CCDC148: variants seen among roughly 807,000 people sequenced by gnomAD.
The protein encoded by CCDC148 is coiled-coil domain-containing protein 148.
A neutral mutation model predicts 85.7 loss-of-function variants in CCDC148; 89 were observed. The ratio of observed to expected loss-of-function variants is 1.04; its 90% CI spans 0.87 to 1.24. The LOEUF (loss-of-function observed/expected upper bound fraction) is 1.24. Ranked by LOEUF, CCDC148 falls within the 50% of genes most tolerant of loss-of-function variation. The probability of loss-of-function intolerance (pLI) is 0.00; values close to 1 mark genes in which losing one functional copy is unlikely to be tolerated. For synonymous variants in CCDC148, 230 were observed against 213.9 expected (o/e 1.08, Z -0.66); for missense variants, 692 against 671.7 (o/e 1.03, Z -0.33).
intron 1 of CCDC148, among the ~76,000 whole-genome samples, chr2:158,410,864 C>T (rs984617426): frequency 1.3e-5 from 2 of 152,020 alleles, no homozygotes; most frequent in Non-Finnish European, 2.9e-5. Context: ...TGAAGAACTC[C>T]CTTAAGCATT....
At chr2:158,451,268 T>A (rs896946096) in intron 1 of CCDC148, among the ~76,000 whole-genome samples, 2 of 152,222 alleles carry the variant, frequency 1.3e-5, no homozygotes, top group African/African-American at 2.4e-5. Context: ...GTGGGGTCAC[T>A]TAGAGTATCT....
intron 1 of CCDC148, among the ~76,000 whole-genome samples, chr2:158,421,043 C>T (rs1364089839): frequency 6.6e-6 from 1 of 152,064 alleles, no homozygotes; most frequent in Non-Finnish European, 1.5e-5. Flanking sequence ...GCTAACTATC[C>T]TAAATATATA....
intron 9 of CCDC148, among the ~76,000 whole-genome samples, chr2:158,269,327 T>C (rs1326398906): frequency 6.6e-6 from 1 of 152,144 alleles, no homozygotes; most frequent in East Asian, 1.9e-4. Context: ...CATGTTCATG[T>C]ACCTGTTGGC....
At chr2:158,304,584 T>G (rs779832223) in intron 9 of CCDC148, among the ~76,000 whole-genome samples, 32 of 152,302 alleles carry the variant, frequency 2.1e-4, no homozygotes, top group Non-Finnish European at 3.8e-4. Flanking sequence ...AGCCAGTGGT[T>G]TCTTAAATAG....
intron 10 of CCDC148, among the ~76,000 whole-genome samples, chr2:158,250,134 A>G (rs1480119989): frequency 6.6e-6 from 1 of 152,096 alleles, no homozygotes; most frequent in Admixed American, 6.6e-5. Flanking sequence ...TGCCTAAATA[A>G]GTATCTCACA....
intron 9 of CCDC148, among the ~76,000 whole-genome samples, chr2:158,276,138 C>G (rs1442835527): frequency 6.6e-6 from 1 of 152,124 alleles, no homozygotes; most frequent in Admixed American, 6.6e-5. Flanking sequence ...ACTGGGTTTG[C>G]ATTAAAAACC....
intron 11 of CCDC148, among the ~76,000 whole-genome samples, chr2:158,217,336 G>GTATATA (rs141810507): frequency 8.7e-5 from 12 of 137,682 alleles, no homozygotes; most frequent in African/African-American, 2.2e-4. Flanking sequence ...ATAATTTTGT[G>GTATATA]TATATATATA....
At chr2:158,217,340 A>G (rs1184941465) in intron 11 of CCDC148, among the ~76,000 whole-genome samples, 13 of 81,448 alleles carry the variant, frequency 1.6e-4, no homozygotes, top group Admixed American at 7.9e-4. Context: ...TTTTGTGTAT[A>G]TATATATATA....
intron 11 of CCDC148, among the ~76,000 whole-genome samples, chr2:158,190,016 T>G (rs182665754): frequency 5.3e-5 from 8 of 152,068 alleles, no homozygotes; most frequent in Admixed American, 2.6e-4. Flanking sequence ...AAAATAAAAA[T>G]GTAAGAATAA....
intron 9 of CCDC148, among the ~76,000 whole-genome samples, chr2:158,273,409 C>T (rs1689786027): frequency 6.6e-6 from 1 of 152,154 alleles, no homozygotes; most frequent in Non-Finnish European, 1.5e-5. Context: ...CCTCCTCATG[C>T]TTACCTCCTT....
At chr2:158,284,280 A>AT (rs1297892899) in intron 9 of CCDC148, among the ~76,000 whole-genome samples, 1 of 122,596 alleles carries the variant, frequency 8.2e-6, no homozygotes, top group African/African-American at 2.9e-5. Context: ...TATAATAATA[A>AT]AAAAAAAAGA....
At chr2:158,334,875 G>C (rs1283951442) in intron 7 of CCDC148, among the ~76,000 whole-genome samples, 1 of 152,004 alleles carries the variant, frequency 6.6e-6, no homozygotes. Flanking sequence ...CATTTTTAAA[G>C]TTTGGCTGAT....
chr2:158,402,587 T>C (rs981166508), intron 1 of CCDC148, among the ~76,000 whole-genome samples: 1 of 152,056 alleles, frequency 6.6e-6, no homozygotes, highest in African/African-American at 2.4e-5. Flanking sequence ...TTGGGGATTA[T>C]AATGTGGTAT....
At chr2:158,199,082 C>T (rs1403019115) in intron 11 of CCDC148, among the ~76,000 whole-genome samples, 1 of 152,012 alleles carries the variant, frequency 6.6e-6, no homozygotes, top group Non-Finnish European at 1.5e-5. Flanking sequence ...AGAAGAGTGT[C>T]ATGGCAGCAA....
In CCDC148 at chr2:158,279,038, G is replaced by C. The variant is rs554823757; in HGVS notation, c.1111-28126C>G. On this transcript the variant is annotated intron_variant, in intron 9 of 13. Transcript: ENST00000283233. The stretch of plus-strand genomic sequence containing the variant: ...AAACAGGGTCTGGAGTGGACCTCTA[G>C]CAAACTCTAACAGACCTGCACCTGA... Among the ~76,000 whole-genome samples, 216 of 152,318 alleles carry C rather than the reference G, an allele frequency of 1.4e-3. 2 individuals are homozygous for C. Among genetic ancestry groups the C allele is most frequent in the Non-Finnish European group, 2.8e-3 (188 of 68,032 alleles).
intron 1 of CCDC148, among the ~76,000 whole-genome samples, chr2:158,389,014 T>C (rs1156960980): frequency 6.6e-6 from 1 of 152,164 alleles, no homozygotes; most frequent in Admixed American, 6.6e-5. Flanking sequence ...TATATTAAAA[T>C]GTAGACACTG....
In CCDC148 at chr2:158,294,113, G is replaced by T. The variant is rs145857501; in HGVS notation, c.1110+15320C>A. Among the ~76,000 whole-genome samples the T allele has an allele frequency of 2.8e-3, 412 of 148,508 alleles. 3 individuals carry two copies. The highest frequency in any genetic ancestry group is 9.5e-3 in the African/African-American group (385 of 40,588). ...CCCACCCCGCCAAGTCCTCTGCAAA[G>T]ACTGATTTATTTTATGTTCCTATAG... On this transcript the variant is annotated intron_variant, in intron 9 of 13. Transcript: ENST00000283233.
At chr2:158,453,710 T>C (rs1450333755) in intron 1 of CCDC148, among the ~76,000 whole-genome samples, 3 of 152,280 alleles carry the variant, frequency 2.0e-5, no homozygotes, top group East Asian at 1.9e-4. Flanking sequence ...GGGGATAATA[T>C]GAAAAAAATA....
chr2:158,409,759 G>C (rs949971036), intron 1 of CCDC148, among the ~76,000 whole-genome samples: 1 of 152,174 alleles, frequency 6.6e-6, no homozygotes, highest in African/African-American at 2.4e-5. Context: ...GACAGGGGCA[G>C]AATGATATGG....
Sources: gnomAD v4.1 joint callset for allele counts (sites outside exome capture counted in the v4.1 genomes callset) on GRCh38, gnomAD v4.1.1 for gene constraint, MANE v1.5 for transcripts, NCBI Gene and HGNC (gene_info 2026-07-23, HGNC 2026-07-21) for gene names.